Variants in CAST observed in about 807,000 individuals in gnomAD.
CAST encodes the protein calpastatin.
A neutral mutation model predicts 119.6 loss-of-function variants in CAST; 76 were observed. That is an observed-to-expected ratio of 0.64 (90% CI 0.53 to 0.77). The LOEUF (loss-of-function observed/expected upper bound fraction) is 0.77, where lower values mean the gene tolerates loss of function less well. Ranked by LOEUF, CAST falls within the 30% of genes least tolerant of loss-of-function variation. The pLI, the probability that CAST is intolerant of heterozygous loss-of-function variation, is 0.00. For missense variants in CAST, 953 were observed against 946.5 expected, an observed-to-expected ratio of 1.01 and a Z score of -0.09; for synonymous variants, 319 against 331.6, an observed-to-expected ratio of 0.96 and a Z score of 0.41.
At chr5:96,509,976 G>A in the CAST span, among the ~76,000 whole-genome samples, 25 of 152,132 alleles carry the variant, frequency 1.6e-4, no homozygotes, top group Admixed American at 4.6e-4. Context: ...AAAGTTGGAG[G>A]ACTTTTATAA....
the CAST span, among the ~76,000 whole-genome samples, chr5:96,109,046 G>A: frequency 5.9e-5 from 9 of 152,372 alleles, no homozygotes; most frequent in Admixed American, 2.0e-4. Flanking sequence ...GACCCCTTGC[G>A]CTTTCTGAGT....
At chr5:96,144,004 G>C in the CAST span, among the ~76,000 whole-genome samples, 1 of 152,004 alleles carries the variant, frequency 6.6e-6, no homozygotes, top group Non-Finnish European at 1.5e-5. Flanking sequence ...TTGGTAGGAC[G>C]GCCTCTGAGA....
At chr5:96,677,163 C>G (rs1561462816) in intron 2 of CAST, among the ~76,000 whole-genome samples, 1 of 152,060 alleles carries the variant, frequency 6.6e-6, no homozygotes, top group Non-Finnish European at 1.5e-5. Context: ...AAATATTGAA[C>G]ACTTCCTGAT....
chr5:96,118,091 C>G, the CAST span, among the ~76,000 whole-genome samples: 58 of 152,180 alleles, frequency 3.8e-4, no homozygotes, highest in African/African-American at 1.3e-3. Context: ...AACAGCTGAC[C>G]TTTCAAATGT....
At chr5:96,119,995 A>C in the CAST span, among the ~76,000 whole-genome samples, 10 of 152,154 alleles carry the variant, frequency 6.6e-5, no homozygotes, top group Non-Finnish European at 1.5e-4. Context: ...AGTATGTGTC[A>C]ATTTGTGAAA....
At chr5:96,600,856 T>C (rs1747137149) in intron 1 of CAST, among the ~76,000 whole-genome samples, 2 of 152,192 alleles carry the variant, frequency 1.3e-5, no homozygotes, top group Admixed American at 1.3e-4. Flanking sequence ...TACAGATTAT[T>C]TTATTCTAAA....
At chr5:96,659,646 G>A (rs1423219230), upstream of CAST, among the ~76,000 whole-genome samples, 2 of 151,866 alleles carry the variant, frequency 1.3e-5, no homozygotes, top group African/African-American at 2.4e-5. Flanking sequence ...CTTGTGCCTC[G>A]GCCTCCTGAG....
chr5:96,194,094 AG>A, the CAST span, among the ~76,000 whole-genome samples: 9 of 152,340 alleles, frequency 5.9e-5, no homozygotes, highest in East Asian at 1.7e-3. Context: ...CATACCTAAA[AG>A]AAAGCATGCT....
At chr5:96,664,772 T>A (rs1046674687) in intron 1 of CAST, among the ~76,000 whole-genome samples, 1 of 152,230 alleles carries the variant, frequency 6.6e-6, no homozygotes, top group African/African-American at 2.4e-5. Flanking sequence ...TCCCTTGAGA[T>A]ACTTCTTCAT....
chr5:96,622,903 G>A lies in CAST; in HGVS notation c.61-52636G>A, dbSNP rs7724837. On this transcript the variant is annotated intron_variant, in intron 1 of 11. Transcript: ENST00000505143. ...TTTTGAGACGGAGTCTCGCTCTGTC[G>A]CCCAGGCTGGAGTGCAGTGGCGGGA... 3.0e-3 allele frequency among the ~76,000 whole-genome samples: 260 copies of A among 86,028 alleles called. 9 individuals are homozygous for A. Among genetic ancestry groups the A allele is most frequent in the African/African-American group, 0.011 (211 of 19,728 alleles). The allele number at this position is 86,028 out of a possible 152,430, so 56.4% of individuals were successfully genotyped here. A position where few individuals can be genotyped will look rare whatever the true frequency, so the allele number is the denominator to read the frequency against.
the CAST span, among the ~76,000 whole-genome samples, chr5:96,163,697 T>C: frequency 1.9e-4 from 29 of 152,294 alleles, 1 homozygote; most frequent in Admixed American, 1.8e-3. Context: ...TAGTACCAAA[T>C]TTGGGGTCAC....
chr5:96,451,853 A>G, the CAST span, among the ~76,000 whole-genome samples: 1 of 152,264 alleles, frequency 6.6e-6, no homozygotes, highest in East Asian at 1.9e-4. Context: ...GACACTTCTC[A>G]AAAGAAGACA....
chr5:96,535,606 C>T (rs1295414473), intron 1 of CAST, among the ~76,000 whole-genome samples: 2 of 129,954 alleles, frequency 1.5e-5, no homozygotes, highest in Non-Finnish European at 3.1e-5. Context: ...CGGAGTCTCG[C>T]TCTGTCGCCC....
the CAST span, among the ~76,000 whole-genome samples, chr5:96,248,363 T>C: frequency 6.6e-6 from 1 of 152,162 alleles, no homozygotes; most frequent in Non-Finnish European, 1.5e-5. Context: ...ATAGTATCCA[T>C]GGTGAGAGGG....
the CAST span, among the ~76,000 whole-genome samples, chr5:96,124,238 C>T: frequency 3.3e-5 from 5 of 152,188 alleles, no homozygotes; most frequent in South Asian, 2.1e-4. Flanking sequence ...TGGAGCACAG[C>T]GGCTATCTGT....
Position 96,773,487 on chromosome 5 carries a change from G to A in CAST, c.*871G>A, listed in dbSNP as rs1773193180. 6.6e-6 allele frequency: 1 copy of A among 152,268 alleles called. No homozygotes were observed. Among genetic ancestry groups the A allele is most frequent in the Non-Finnish European group, 1.5e-5 (1 of 68,012 alleles). 9.4% of individuals were successfully genotyped at this position (152,268 alleles called of 1,614,324 possible). On this transcript the variant is annotated 3_prime_UTR_variant, in exon 32 of 32. Transcript: ENST00000675179. ...TCTATTATCTATACATAAAACCTGAGCAGCAACTGTGTCTTTAGAGCTATT... is the reference window on the plus strand; with the variant it reads ...TCTATTATCTATACATAAAACCTGAACAGCAACTGTGTCTTTAGAGCTATT...
the CAST span, among the ~76,000 whole-genome samples, chr5:96,367,097 A>C: frequency 6.6e-6 from 1 of 152,230 alleles, no homozygotes; most frequent in Non-Finnish European, 1.5e-5. Flanking sequence ...GGTCTGCTCC[A>C]GACCTGTTTG....
chr5:95,995,461 T>C, the CAST span, among the ~76,000 whole-genome samples: 1 of 152,166 alleles, frequency 6.6e-6, no homozygotes, highest in Non-Finnish European at 1.5e-5. Context: ...GCCTTCAAGA[T>C]ATAAGCTCAG....
the CAST span, among the ~76,000 whole-genome samples, chr5:96,313,043 A>G: frequency 1.3e-5 from 2 of 152,110 alleles, no homozygotes; most frequent in Non-Finnish European, 2.9e-5. Context: ...CTACCACTGG[A>G]TATATAGGAT....
Sources: gnomAD v4.1 joint callset for allele counts (sites outside exome capture counted in the v4.1 genomes callset) on GRCh38, gnomAD v4.1.1 for gene constraint, MANE v1.5 for transcripts, NCBI Gene and HGNC (gene_info 2026-07-23, HGNC 2026-07-21) for gene names.